Variants in ARHGAP44 observed in about 807,000 individuals in gnomAD.
ARHGAP44 encodes Rho GTPase activating protein 44.
Under a neutral mutation model 106.8 loss-of-function variants are expected in ARHGAP44, and 43 were observed. That is an observed-to-expected ratio of 0.40 (90% CI 0.32 to 0.52). The LOEUF (loss-of-function observed/expected upper bound fraction) is 0.52, where lower values mean the gene tolerates loss of function less well. Among genes scored for constraint, ARHGAP44 ranks in the 20% least tolerant of loss-of-function variants. ARHGAP44 has a pLI of 0.48. For missense variants in ARHGAP44, 866 were observed against 1,050.5 expected (o/e 0.82, Z 2.43); for synonymous variants, 439 against 410.3 (o/e 1.07, Z -0.85).
In ARHGAP44 at chr17:12,893,865, C is replaced by T. The variant is rs561834043; in HGVS notation, c.54-1075C>T. Among the ~76,000 whole-genome samples the T allele has an allele frequency of 4.6e-5, 7 of 152,256 alleles. No individual in the cohort carries two copies. In the East Asian group the frequency reaches 1.2e-3, roughly 25 times the overall value. Reference sequence around the variant, plus strand: ...TTTAGGTGTTGCTGTTGTTCTTAAGCTCCAAGTCTGAGAAATGTGAAGGAC... The same window carrying T: ...TTTAGGTGTTGCTGTTGTTCTTAAGTTCCAAGTCTGAGAAATGTGAAGGAC... On this transcript the variant is annotated intron_variant, in intron 1 of 20. Coordinates refer to ENST00000379672, the MANE Select transcript of ARHGAP44 (RefSeq NM_014859.6).
rs185710955 is a variant in ARHGAP44, at chr17:12,860,724, G to A, written c.54-34216G>A. ...GCTATCCCTTCCCTACTCTTGAGCC[G>A]TGTGGTGTAAGTGGGACTAACTTCA... On this transcript the variant is annotated intron_variant, in intron 1 of 20. Transcript: ENST00000379672. Among the ~76,000 whole-genome samples the A allele has an allele frequency of 2.5e-3, 381 of 152,228 alleles. 3 individuals carry two copies. The highest frequency in any genetic ancestry group is 4.6e-3 in the Non-Finnish European group (313 of 68,018).
chr17:12,984,114 T>C (rs549888949), intron 19 of ARHGAP44, among the ~76,000 whole-genome samples: 1 of 152,138 alleles, frequency 6.6e-6, no homozygotes. Context: ...TACAGCAAAT[T>C]GAACTGGAGT....
intron 3 of ARHGAP44, among the ~76,000 whole-genome samples, chr17:12,906,407 T>C (rs2037549527): frequency 6.6e-6 from 1 of 151,802 alleles, no homozygotes; most frequent in African/African-American, 2.4e-5. Flanking sequence ...ACTTAAGATG[T>C]CAATTGCAAA....
At chr17:12,794,408 G>A (rs948962530) in intron 1 of ARHGAP44, among the ~76,000 whole-genome samples, 1 of 152,114 alleles carries the variant, frequency 6.6e-6, no homozygotes, top group South Asian at 2.1e-4. Flanking sequence ...GAGGTGGTTC[G>A]TTGTCACTGA....
intron 10 of ARHGAP44, among the ~76,000 whole-genome samples, chr17:12,946,159 T>C (rs1195915922): frequency 1.3e-5 from 2 of 152,200 alleles, no homozygotes; most frequent in South Asian, 2.1e-4. Flanking sequence ...AAAAAAATTA[T>C]GGAAAACCAT....
At position 12,827,782 on chromosome 17, in the gene ARHGAP44, C is replaced by T. The variant is rs926970089; in HGVS notation, c.53+37891C>T. ...TGATTTTTAAAAAAATTAGTAACAA[C>T]CTTGATGAAGTCTCTTACTGCCAAG... is the stretch of plus-strand genomic sequence containing the variant. On this transcript the variant is annotated intron_variant, in intron 1 of 20. Coordinates refer to ENST00000379672, the MANE Select transcript of ARHGAP44 (RefSeq NM_014859.6). Among the ~76,000 whole-genome samples the T allele has an allele frequency of 2.6e-5, 4 of 151,974 alleles. No individual in the cohort carries two copies. The South Asian group carries it at 8.3e-4, about 32-fold the overall frequency.
At chr17:12,939,542 C>T (rs937173295) in intron 7 of ARHGAP44, among the ~76,000 whole-genome samples, 6 of 152,016 alleles carry the variant, frequency 3.9e-5, no homozygotes, top group Non-Finnish European at 7.4e-5. Context: ...CTCAGCTCAC[C>T]GCAAGCTCCG....
intron 7 of ARHGAP44, among the ~76,000 whole-genome samples, chr17:12,934,433 C>T (rs2038488033): frequency 6.6e-6 from 1 of 152,154 alleles, no homozygotes; most frequent in African/African-American, 2.4e-5. Flanking sequence ...AGTGCCATGT[C>T]ATGGGAAGTA....
At position 12,949,047 on chromosome 17, in the gene ARHGAP44, T is replaced by G. The variant is rs2038931411; in HGVS notation, c.862-93T>G. 1 of 1,246,024 alleles carries G rather than the reference T, an allele frequency of 8.0e-7. No homozygotes were observed. The highest frequency in any genetic ancestry group is 1.5e-5 in the African/African-American group (1 of 67,032). The allele number at this position is 1,246,024 out of a possible 1,614,324, so 77.2% of individuals were successfully genotyped here. A position where few individuals can be genotyped will look rare whatever the true frequency, so the allele number is the denominator to read the frequency against. ...GTGTTGGGCAAATGCATGTAAGAGG[T>G]TTTGGAGAAAAGAAGCAGGCAGTTG... is the stretch of plus-strand genomic sequence containing the variant. On this transcript the variant is annotated intron_variant, in intron 10 of 20. Transcript: ENST00000379672. The surrounding 1 kb of genome is among the most constrained non-coding windows in gnomAD (Gnocchi z 4.1).
At chr17:12,884,630 C>T (rs1013905823) in intron 1 of ARHGAP44, among the ~76,000 whole-genome samples, 2 of 152,126 alleles carry the variant, frequency 1.3e-5, no homozygotes, top group South Asian at 2.1e-4. Context: ...CCACCACAAA[C>T]GAATTACAGA....
chr17:12,846,162 AAT>A (rs891313430), intron 1 of ARHGAP44, among the ~76,000 whole-genome samples: 2 of 152,210 alleles, frequency 1.3e-5, no homozygotes, highest in Non-Finnish European at 2.9e-5. Flanking sequence ...TCAGTAATGT[AAT>A]GCAGACTGTG....
intron 1 of ARHGAP44, among the ~76,000 whole-genome samples, chr17:12,888,781 G>T (rs907157926): frequency 6.6e-6 from 1 of 151,966 alleles, no homozygotes; most frequent in South Asian, 2.1e-4. Flanking sequence ...TTTTTTGGTG[G>T]ATATACACTT....
At chr17:12,952,980 G>A (rs1449989694) in intron 13 of ARHGAP44, among the ~76,000 whole-genome samples, 6 of 152,012 alleles carry the variant, frequency 3.9e-5, no homozygotes, top group African/African-American at 1.4e-4. Context: ...ATAAGGAAAT[G>A]GACTCAAAGA....
intron 1 of ARHGAP44, among the ~76,000 whole-genome samples, chr17:12,843,471 C>G (rs2035475926): frequency 6.6e-6 from 1 of 151,810 alleles, no homozygotes. Flanking sequence ...AAATTCTTAT[C>G]TGCTGATTTT....
intron 16 of ARHGAP44, among the ~76,000 whole-genome samples, chr17:12,963,568 G>A (rs934441917): frequency 7.3e-6 from 1 of 137,848 alleles, no homozygotes; most frequent in Non-Finnish European, 1.5e-5. Context: ...TTGCATCAAT[G>A]CTGTGTGTGC....
intron 1 of ARHGAP44, among the ~76,000 whole-genome samples, chr17:12,800,177 A>G (rs1418743022): frequency 6.6e-6 from 1 of 152,184 alleles, no homozygotes; most frequent in Non-Finnish European, 1.5e-5. Flanking sequence ...TTATTTTGTT[A>G]TTTATATTCC....
intron 20 of ARHGAP44, among the ~76,000 whole-genome samples, chr17:12,989,101 CAAAAAA>C (rs71144942): frequency 1.8e-4 from 8 of 45,160 alleles, no homozygotes; most frequent in South Asian, 1.3e-3. Flanking sequence ...CCACCCCCCC[CAAAAAA>C]AAAAAAAAAA....
intron 1 of ARHGAP44, among the ~76,000 whole-genome samples, chr17:12,826,939 C>G (rs925361758): frequency 5.9e-5 from 9 of 152,240 alleles, no homozygotes; most frequent in African/African-American, 2.2e-4. Flanking sequence ...GTGCTTTCTT[C>G]TCCCTACCTC....
chr17:12,897,674 G>T (rs1006996625), intron 3 of ARHGAP44, among the ~76,000 whole-genome samples: 3 of 151,484 alleles, frequency 2.0e-5, no homozygotes, highest in African/African-American at 7.3e-5. Flanking sequence ...GGTTCCGGAT[G>T]GGGGTGCTGG....
Sources: allele counts gnomAD v4.1 joint callset (sites outside exome capture counted in the v4.1 genomes callset), GRCh38; gene constraint gnomAD v4.1.1; non-coding constraint Gnocchi (gnomAD v3.1); transcripts MANE v1.5; gene names NCBI Gene and HGNC (gene_info 2026-07-23, HGNC 2026-07-21).